The following KDM1A variants were observed in gnomAD, a reference collection of about 807,000 sequenced individuals.
KDM1A encodes lysine demethylase 1A.
Under a neutral mutation model 109.4 loss-of-function variants are expected in KDM1A, and 49 were observed. The observed-to-expected ratio is 0.45, with a 90% confidence interval of 0.36 to 0.57. The LOEUF is 0.57. Among genes scored for constraint, KDM1A ranks in the 20% least tolerant of loss-of-function variants. KDM1A has a pLI of 0.00. For missense variants in KDM1A, 668 were observed against 1,116.6 expected (o/e 0.60, Z 5.73); for synonymous variants, 380 against 415.4 (o/e 0.91, Z 1.04).
chr1:23,029,216 C>G (rs1641902216), intron 1 of KDM1A, among the ~76,000 whole-genome samples: 1 of 152,178 alleles, frequency 6.6e-6, no homozygotes, highest in Non-Finnish European at 1.5e-5. Flanking sequence ...GTATTACATT[C>G]ACTATAATCC....
At chr1:23,078,721 C>T (rs1308119273) in intron 16 of KDM1A, among the ~76,000 whole-genome samples, 1 of 152,182 alleles carries the variant, frequency 6.6e-6, no homozygotes, top group Non-Finnish European at 1.5e-5. Context: ...TAGTCTAGAT[C>T]ACCAGTGTAT....
In KDM1A at chr1:23,072,135, A is replaced by G; in HGVS notation, c.1560A>G (p.Glu520=). 6.2e-7 allele frequency: 1 copy of G among 1,608,078 alleles called. No homozygotes were observed. Among genetic ancestry groups the G allele is most frequent in the Non-Finnish European group, 8.5e-7 (1 of 1,176,298 alleles). Residue 520 remains glutamate, a synonymous_variant, in exon 14 of 21, where the codon GAA becomes GAG. Transcript: ENST00000400181. ...DLTALCKEYD[E]LAETQGKLEE... ...TTAATTTTTATCAGGAATATGATGA[A>G]TTAGCTGAAACACAAGGAAAGCTAG...
chr1:23,061,820 C>T (rs145607556), intron 9 of KDM1A, among the ~76,000 whole-genome samples: 3,912 of 152,158 alleles, frequency 0.026, 79 homozygotes, highest in Non-Finnish European at 0.043. Context: ...CCACGCCCCA[C>T]TAATTTTTTT....
At chr1:23,033,286 C>T (rs966002230) in intron 2 of KDM1A, among the ~76,000 whole-genome samples, 3 of 152,162 alleles carry the variant, frequency 2.0e-5, no homozygotes, top group Admixed American at 1.3e-4. Context: ...CTTTGAGAGG[C>T]TGAGGCAAGC....
In KDM1A at chr1:23,083,304, G is replaced by A. The variant is rs2124560211; in HGVS notation, c.2571G>A (p.Met857Ile). Residue 857 changes from methionine (M) to isoleucine (I), a missense_variant, in exon 21 of 21, where the codon ATG (methionine) becomes ATA (isoleucine). Transcript: ENST00000400181. Reference sequence around the variant, plus strand: ...TTGCAGACCAGTTTTTGGGGGCCATGTATACGCTGCCTCGCCAGGCCACAC... The same window carrying A: ...TTGCAGACCAGTTTTTGGGGGCCATATATACGCTGCCTCGCCAGGCCACAC... ...GRIADQFLGA[M>I]YTLPRQATPG... 6.2e-7 allele frequency: 1 copy of A among 1,613,940 alleles called. No individual in the cohort carries two copies. The highest frequency in any genetic ancestry group is 8.5e-7 in the Non-Finnish European group (1 of 1,179,974).
intron 1 of KDM1A, among the ~76,000 whole-genome samples, chr1:23,030,234 G>A (rs955408533): frequency 6.6e-6 from 1 of 152,200 alleles, no homozygotes; most frequent in African/African-American, 2.4e-5. Context: ...TGATTTGAAT[G>A]TCAGTGCTAT....
chr1:23,024,933 A>G (rs1641749793), intron 1 of KDM1A, among the ~76,000 whole-genome samples: 1 of 152,224 alleles, frequency 6.6e-6, no homozygotes, highest in African/African-American at 2.4e-5. Flanking sequence ...TTTGAGAAGC[A>G]TCAGGGAATC....
chr1:23,069,024 G>C, intron 11 of KDM1A, 37 bp from the exon 12 acceptor site: 1 of 1,421,584 alleles, frequency 7.0e-7, no homozygotes. Context: ...CTGCAAAGTT[G>C]GCTTTGAGAG....
intron 15 of KDM1A, among the ~76,000 whole-genome samples, chr1:23,076,448 C>G (rs1643468417): frequency 6.6e-6 from 1 of 151,914 alleles, no homozygotes; most frequent in Non-Finnish European, 1.5e-5. Context: ...AACTTCAAAC[C>G]TGTAAATTTA....
intron 14 of KDM1A, among the ~76,000 whole-genome samples, chr1:23,072,894 C>T (rs1643361142): frequency 6.6e-6 from 1 of 152,192 alleles, no homozygotes. Flanking sequence ...CCTGCCTCGA[C>T]CTCCCAAAGT....
intron 9 of KDM1A, among the ~76,000 whole-genome samples, chr1:23,060,122 C>T (rs1642958744): frequency 6.6e-6 from 1 of 152,118 alleles, no homozygotes; most frequent in African/African-American, 2.4e-5. Context: ...GGGTGGATAA[C>T]AGGAGGCTTC....
intron 2 of KDM1A, among the ~76,000 whole-genome samples, chr1:23,041,523 A>G (rs1420385256): frequency 7.5e-6 from 1 of 133,698 alleles, no homozygotes; most frequent in African/African-American, 2.8e-5. Flanking sequence ...GCTCACTGCA[A>G]CCTCCACCTC....
rs139139054 is a variant in KDM1A at position 23,036,648 on chromosome 1, C to T, written c.517+6014C>T. Among the ~76,000 whole-genome samples, 455 of 152,070 alleles carry T rather than the reference C, an allele frequency of 3.0e-3. 3 individuals carry two copies. Among genetic ancestry groups the T allele is most frequent in the African/African-American group, 0.01 (424 of 41,468 alleles). ...CAAGATAAATACGCTATACAACACACGGTCCCCACTCTCAGATAATTTATA... is the reference window on the plus strand; with the variant it reads ...CAAGATAAATACGCTATACAACACATGGTCCCCACTCTCAGATAATTTATA... On this transcript the variant is annotated intron_variant, in intron 2 of 20. Transcript: ENST00000400181.
At chr1:23,064,491 T>G (rs1394148969) in intron 9 of KDM1A, among the ~76,000 whole-genome samples, 1 of 152,228 alleles carries the variant, frequency 6.6e-6, no homozygotes, top group African/African-American at 2.4e-5. Flanking sequence ...ATCTCAGAAC[T>G]TTGATTACCT....
chr1:23,024,221 T>C (rs766183697), intron 1 of KDM1A, among the ~76,000 whole-genome samples: 2 of 152,162 alleles, frequency 1.3e-5, no homozygotes, highest in Non-Finnish European at 2.9e-5. Context: ...TAATCCCCCA[T>C]TGTAATTAGC....
At chr1:23,034,659 G>A (rs984690864) in intron 2 of KDM1A, among the ~76,000 whole-genome samples, 5 of 151,766 alleles carry the variant, frequency 3.3e-5, no homozygotes, top group Admixed American at 1.3e-4. Context: ...CCTTTCAGCA[G>A]TCAAATTTTA....
At chr1:23,081,841 C>T (rs1242487047) in intron 19 of KDM1A, 8 of 454,302 alleles carry the variant, frequency 1.8e-5, no homozygotes, top group Admixed American at 3.8e-5. Context: ...GACAAAATGG[C>T]CAAACTCCAG....
At position 23,020,028 on chromosome 1, in the gene KDM1A, C is replaced by G. The variant is rs1416641403; in HGVS notation, c.351+81C>G. 2.2e-6 allele frequency: 3 copies of G among 1,366,290 alleles called. No individual in the cohort carries two copies. The Admixed American group carries it at 1.0e-4, about 47-fold the overall frequency. 84.6% of individuals were successfully genotyped at this position (1,366,290 alleles called of 1,614,324 possible). ...CTTCTCCGCCCTCCCCCGCCGCCGC[C>G]GGGTCTTGGGCCCTGCGACCACTCA... is the stretch of plus-strand genomic sequence containing the variant. On this transcript the variant is annotated intron_variant, in intron 1 of 20. Coordinates refer to ENST00000400181, the MANE Select transcript of KDM1A (RefSeq NM_001009999.3).
intron 3 of KDM1A, among the ~76,000 whole-genome samples, chr1:23,048,285 A>G (rs895469114): frequency 6.6e-6 from 1 of 152,034 alleles, no homozygotes; most frequent in Non-Finnish European, 1.5e-5. Context: ...TGATTTGGGA[A>G]TGGGAGCTGG....
Sources: allele counts gnomAD v4.1 joint callset (sites outside exome capture counted in the v4.1 genomes callset), GRCh38; gene constraint gnomAD v4.1.1; transcripts MANE v1.5; gene names NCBI Gene and HGNC (gene_info 2026-07-23, HGNC 2026-07-21).